Variants in SYT2 observed in about 807,000 individuals in gnomAD.
SYT2 encodes the protein synaptotagmin 2.
In SYT2, 15 loss-of-function variants were observed where a neutral mutation model predicts 39.9. The ratio of observed to expected loss-of-function variants is 0.38; its 90% CI spans 0.25 to 0.58. The LOEUF (loss-of-function observed/expected upper bound fraction) is 0.58. Ranked by LOEUF, SYT2 falls within the 20% of genes least tolerant of loss-of-function variation. The pLI is 0.70. For synonymous variants in SYT2, 181 were observed against 204.5 expected (o/e 0.89, Z 0.98); for missense variants, 389 against 530.3 (o/e 0.73, Z 2.62).
chr1:202,674,910 G>GTCTTCTCTTTATGAGAGGTCAC (rs11267177), intron 1 of SYT2, among the ~76,000 whole-genome samples: 1 of 151,816 alleles, frequency 6.6e-6, no homozygotes, highest in South Asian at 2.1e-4. Flanking sequence ...TAATCTCAAT[G>GTCTTCTCTTTATGAGAGGTCAC]TCATGATCTC....
chr1:202,684,999 G>A (rs1250643854), intron 1 of SYT2, among the ~76,000 whole-genome samples: 1 of 152,158 alleles, frequency 6.6e-6, no homozygotes, highest in Non-Finnish European at 1.5e-5. Context: ...GGAGTGACCA[G>A]CCTAAACTAG....
At position 202,599,785 on chromosome 1, in the gene SYT2, G is replaced by A. The variant is rs1357471931; in HGVS notation, c.920-434C>T. Among the ~76,000 whole-genome samples, 2 of 152,228 alleles carry A rather than the reference G, an allele frequency of 1.3e-5. No individual in the cohort carries two copies. The highest frequency in any genetic ancestry group is 2.4e-5 in the African/African-American group (1 of 41,458). ...CTGCCCGAGGTCACACAGCGGGTCA[G>A]TGACAGAGCCAGGCTGGCACTGAAA... On this transcript the variant is annotated intron_variant, in intron 7 of 8. Transcript: ENST00000367268. The surrounding 1 kb of genome is among the most constrained non-coding windows in gnomAD (Gnocchi z 4.4).
At chr1:202,701,471 T>C (rs1292824868) in intron 1 of SYT2, among the ~76,000 whole-genome samples, 3 of 152,248 alleles carry the variant, frequency 2.0e-5, no homozygotes, top group Non-Finnish European at 2.9e-5. Flanking sequence ...TAAAAAGATG[T>C]GCACTCCAGA....
rs763683640 is a variant in SYT2, at chr1:202,596,874, C to A, written c.1143G>T (p.Thr381=). 2 of 1,614,102 alleles carry A rather than the reference C, an allele frequency of 1.2e-6. No individual in the cohort carries two copies. The highest frequency in any genetic ancestry group is 1.3e-5 in the African/African-American group (1 of 74,948). Residue 381 remains threonine (T), a synonymous_variant, in exon 9 of 9, where the codon ACG becomes ACT. Coordinates refer to ENST00000367268, the MANE Select transcript of SYT2 (RefSeq NM_177402.5). The part of the protein sequence containing the change: ...IGKIFVGSNA[T]GTELRHWSDM... ...CGGACCAGTGCCGCAGCTCTGTGCC[C>A]GTGGCATTGCTGCCCACGAAGATCT... is the stretch of plus-strand genomic sequence containing the variant.
intron 1 of SYT2, among the ~76,000 whole-genome samples, chr1:202,645,062 G>A (rs546799745): frequency 2.7e-4 from 41 of 152,286 alleles, no homozygotes; most frequent in Middle Eastern, 3.4e-3. Context: ...GGGTGTGTGC[G>A]TGTGTTCATG....
At chr1:202,705,061 C>T (rs540203068) in intron 1 of SYT2, among the ~76,000 whole-genome samples, 7 of 152,390 alleles carry the variant, frequency 4.6e-5, no homozygotes, top group Admixed American at 3.3e-4. Context: ...AGGACCCGCA[C>T]CTGTATTCTC....
At chr1:202,709,812 G>T (rs1654348196) in intron 1 of SYT2, among the ~76,000 whole-genome samples, 1 of 152,114 alleles carries the variant, frequency 6.6e-6, no homozygotes, top group Admixed American at 6.5e-5. Context: ...CGGTGCCAGG[G>T]GTCCCCGAAG....
At chr1:202,693,443 C>T (rs1653893521) in intron 1 of SYT2, among the ~76,000 whole-genome samples, 1 of 152,194 alleles carries the variant, frequency 6.6e-6, no homozygotes, top group Admixed American at 6.5e-5. Context: ...CCCTACAATA[C>T]TGAGATACAA....
chr1:202,695,473 C>T (rs563378527), intron 1 of SYT2, among the ~76,000 whole-genome samples: 3 of 152,280 alleles, frequency 2.0e-5, no homozygotes, highest in East Asian at 3.9e-4. Context: ...CCCCGGCTCC[C>T]GCAGTGTCAG....
At chr1:202,708,407 C>G (rs1654304821) in intron 1 of SYT2, among the ~76,000 whole-genome samples, 4 of 151,940 alleles carry the variant, frequency 2.6e-5, no homozygotes, top group Non-Finnish European at 5.9e-5. Context: ...TTTGGCAAGA[C>G]AAGGAGGGGA....
chr1:202,661,387 C>T (rs776687803), intron 1 of SYT2, among the ~76,000 whole-genome samples: 3 of 152,002 alleles, frequency 2.0e-5, no homozygotes, highest in African/African-American at 7.3e-5. Flanking sequence ...GATGGCTTCG[C>T]CTTCCTCCCC....
intron 1 of SYT2, among the ~76,000 whole-genome samples, chr1:202,616,697 C>T (rs1197400760): frequency 6.6e-6 from 1 of 152,232 alleles, no homozygotes; most frequent in Non-Finnish European, 1.5e-5. Context: ...GACCCCTGAG[C>T]TGTGGTCAGC....
At chr1:202,683,273 TAAC>T (rs895849314) in intron 1 of SYT2, among the ~76,000 whole-genome samples, 1 of 152,164 alleles carries the variant, frequency 6.6e-6, no homozygotes, top group African/African-American at 2.4e-5. Flanking sequence ...GCACTAGTCA[TAAC>T]AACCCCAGAC....
In SYT2 at chr1:202,596,905, A is replaced by G. The variant is rs1690318147; in HGVS notation, c.1112T>C (p.Ile371Thr). The change falls in exon 9 of 9, where the codon ATA (isoleucine) becomes ACA (threonine). Residue 371 changes from isoleucine (I) to threonine (T), a missense_variant. Ile to Thr is a moderately conservative substitution (Grantham distance 89). Transcript: ENST00000367268. ...DYDKLGKNEA[I>T]GKIFVGSNAT... Reference sequence around the variant, plus strand: ...ATTGCTGCCCACGAAGATCTTGCCTATGGCTTCGTTCTTGCCCAGCTTGTC... The same window carrying G: ...ATTGCTGCCCACGAAGATCTTGCCTGTGGCTTCGTTCTTGCCCAGCTTGTC... 6.2e-7 allele frequency: 1 copy of G among 1,614,198 alleles called. No homozygotes were observed. The highest frequency in any genetic ancestry group is 8.5e-7 in the Non-Finnish European group (1 of 1,180,042).
chr1:202,602,046 C>T lies in SYT2; in HGVS notation c.645G>A (p.Gln215=). The T allele has an allele frequency of 6.2e-7, 1 of 1,614,124 alleles. No homozygotes were observed. The highest frequency in any genetic ancestry group is 8.5e-7 in the Non-Finnish European group (1 of 1,179,996). ...TCACCAGAGTTTTGCCCCCAAGCTC[C>T]TGGTATGGCACCTGCAGGGCACAAG... ...NETFTFKVPY[Q]ELGGKTLVMA... is the part of the protein sequence containing the mutation. The change falls in exon 6 of 9, where the codon CAG becomes CAA. Residue 215 remains glutamine, a synonymous_variant. Transcript: ENST00000367268.
chr1:202,611,288 A>G (rs1367936747), intron 1 of SYT2, among the ~76,000 whole-genome samples: 1 of 152,120 alleles, frequency 6.6e-6, no homozygotes, highest in Non-Finnish European at 1.5e-5. Flanking sequence ...TCCTTTTTGA[A>G]CATATAATTT....
At chr1:202,649,684 T>A (rs188869388) in intron 1 of SYT2, among the ~76,000 whole-genome samples, 240 of 152,296 alleles carry the variant, frequency 1.6e-3, no homozygotes, top group Admixed American at 4.1e-3. Flanking sequence ...CCTTCCTCAG[T>A]CATAAACTGA....
chr1:202,656,329 G>A (rs951629351), intron 1 of SYT2, among the ~76,000 whole-genome samples: 3 of 152,174 alleles, frequency 2.0e-5, no homozygotes, highest in Non-Finnish European at 4.4e-5. Flanking sequence ...CAGATCCTCG[G>A]CCCCTGAGGG....
At chr1:202,629,888 GCA>G (rs1447722346) in intron 1 of SYT2, among the ~76,000 whole-genome samples, 16 of 109,896 alleles carry the variant, frequency 1.5e-4, no homozygotes, top group South Asian at 2.5e-4. Flanking sequence ...GGGTGGTACG[GCA>G]GGTGTGTTGC....
Sources: gnomAD v4.1 joint callset for allele counts (sites outside exome capture counted in the v4.1 genomes callset) on GRCh38, gnomAD v4.1.1 for gene constraint, Gnocchi (gnomAD v3.1) non-coding constraint, MANE v1.5 for transcripts, NCBI Gene and HGNC (gene_info 2026-07-23, HGNC 2026-07-21) for gene names.